Variants in FAXC observed in about 807,000 individuals in gnomAD.
FAXC encodes the protein failed axon connections homolog.
Under a neutral mutation model 41.9 loss-of-function variants are expected in FAXC, and 10 were observed. The observed-to-expected ratio is 0.24, with a 90% confidence interval of 0.15 to 0.41. The LOEUF (loss-of-function observed/expected upper bound fraction) is 0.41. FAXC is among the 10% of genes least tolerant of loss of function. The pLI, the probability that FAXC is intolerant of heterozygous loss-of-function variation, is 1.00. For synonymous variants in FAXC, 183 were observed against 183.8 expected (o/e 1.00, Z 0.03); for missense variants, 399 against 510.9 (o/e 0.78, Z 2.11).
chr6:99,343,862 T>C (rs1773505545), intron 1 of FAXC, among the ~76,000 whole-genome samples: 1 of 152,168 alleles, frequency 6.6e-6, no homozygotes, highest in Non-Finnish European at 1.5e-5. Flanking sequence ...GCCTTCCCAG[T>C]ATCCCCACTT....
intron 4 of FAXC, among the ~76,000 whole-genome samples, chr6:99,297,989 C>A (rs1221157591): frequency 6.6e-6 from 1 of 152,268 alleles, no homozygotes; most frequent in East Asian, 1.9e-4. Flanking sequence ...TTCTTAGATC[C>A]CATCACTGAA....
intron 4 of FAXC, among the ~76,000 whole-genome samples, chr6:99,295,419 C>T (rs1390910): frequency 6.6e-6 from 1 of 152,182 alleles, no homozygotes; most frequent in Admixed American, 6.5e-5. Flanking sequence ...AATTAGTGGA[C>T]TGAGTAAAGC....
In FAXC at chr6:99,349,418, C is replaced by G; in HGVS notation, c.-46G>C. 1.3e-6 allele frequency: 2 copies of G among 1,493,552 alleles called. No individual in the cohort carries two copies. Among genetic ancestry groups the G allele is most frequent in the Non-Finnish European group, 1.8e-6 (2 of 1,126,022 alleles). The allele number at this position is 1,493,552 out of a possible 1,614,324, so 92.5% of individuals were successfully genotyped here. A position where few individuals can be genotyped will look rare whatever the true frequency, so the allele number is the denominator to read the frequency against. Reference sequence around the variant, plus strand: ...CGCCCCTCCCAGGGCCCGCGCCGCCCGCATGGGAAGGGGCCGGCGCGGCCC... The same window carrying G: ...CGCCCCTCCCAGGGCCCGCGCCGCCGGCATGGGAAGGGGCCGGCGCGGCCC... On this transcript the variant is annotated 5_prime_UTR_variant, in exon 1 of 6. Transcript: ENST00000389677.
Position 99,281,441 on chromosome 6 carries a change from T to C in FAXC, c.953A>G (p.Asn318Ser), listed in dbSNP as rs1770833332. ...PERLIKGELINLAMYCERIRR... is the reference protein window; with the variant it reads ...PERLIKGELISLAMYCERIRR... Reference sequence around the variant, plus strand: ...TATCCTCTCACAGTACATGGCAAGGTTGATCAGCTCACCTGCAGTGTGGTA... The same window carrying C: ...TATCCTCTCACAGTACATGGCAAGGCTGATCAGCTCACCTGCAGTGTGGTA... Residue 318 changes from asparagine (N) to serine (S), a missense_variant, in exon 6 of 6, where the codon AAC (asparagine) becomes AGC (serine). By Grantham distance (46) the Asn-to-Ser change is conservative. Around this residue, in one of 3 missense-constraint regions of FAXC, gnomAD observed 239 missense variants for 352.7 expected, o/e 0.68. Transcript: ENST00000389677. 1 of 1,612,578 alleles carries C rather than the reference T, an allele frequency of 6.2e-7. No individual in the cohort carries two copies. Among genetic ancestry groups the C allele is most frequent in the African/African-American group, 1.3e-5 (1 of 74,890 alleles).
chr6:99,303,045 GA>G (rs929510088), intron 4 of FAXC, among the ~76,000 whole-genome samples: 1 of 152,146 alleles, frequency 6.6e-6, no homozygotes, highest in African/African-American at 2.4e-5. Flanking sequence ...GGGTCAGTGG[GA>G]AAAAAAGTAT....
chr6:99,330,041 G>A (rs560413556), intron 3 of FAXC, among the ~76,000 whole-genome samples: 2 of 151,406 alleles, frequency 1.3e-5, no homozygotes, highest in East Asian at 3.9e-4. Flanking sequence ...TGACTGTTTT[G>A]TAGAGAGAGG....
At chr6:99,300,961 T>C (rs1224871736) in intron 4 of FAXC, among the ~76,000 whole-genome samples, 1 of 152,238 alleles carries the variant, frequency 6.6e-6, no homozygotes, top group African/African-American at 2.4e-5. Context: ...CCAGAAAAGC[T>C]CAACTCTGCA....
chr6:99,339,977 G>T (rs985013267), intron 2 of FAXC, among the ~76,000 whole-genome samples: 11 of 151,916 alleles, frequency 7.2e-5, no homozygotes, highest in African/African-American at 2.7e-4. Flanking sequence ...AGTTTATAAA[G>T]GACCAAACAG....
chr6:99,295,520 G>A (rs1265552176), intron 4 of FAXC, among the ~76,000 whole-genome samples: 8 of 152,144 alleles, frequency 5.3e-5, no homozygotes, highest in South Asian at 4.1e-4. Context: ...GAGTAACGAC[G>A]ACAGATTTCC....
chr6:99,285,645 T>C (rs1771004539), intron 5 of FAXC, among the ~76,000 whole-genome samples: 1 of 152,218 alleles, frequency 6.6e-6, no homozygotes, highest in Non-Finnish European at 1.5e-5. Context: ...GTAACCATCA[T>C]GTATTACTTT....
At chr6:99,271,162 T>C (rs1168705780), downstream of FAXC, 1 of 151,800 alleles carries the variant, frequency 6.6e-6, no homozygotes, top group Admixed American at 6.6e-5. Flanking sequence ...CAAGAAACAG[T>C]ACAAATGGCA....
At chr6:99,290,424 G>A (rs1012579580) in intron 5 of FAXC, among the ~76,000 whole-genome samples, 6 of 152,018 alleles carry the variant, frequency 3.9e-5, no homozygotes, top group Admixed American at 6.6e-5. Context: ...TTGGGCGGCC[G>A]GGCGTGGTGG....
chr6:99,311,466 T>A (rs1015968710), intron 4 of FAXC, among the ~76,000 whole-genome samples: 5 of 152,084 alleles, frequency 3.3e-5, no homozygotes, highest in Admixed American at 3.3e-4. Context: ...TCCCAGCTAC[T>A]CGGGAGGCTG....
At chr6:99,306,620 C>T (rs1771931327) in intron 4 of FAXC, among the ~76,000 whole-genome samples, 1 of 152,028 alleles carries the variant, frequency 6.6e-6, no homozygotes, top group Admixed American at 6.5e-5. Flanking sequence ...ACAACTGATA[C>T]ATTTAAGAAA....
Position 99,272,290 on chromosome 6 carries a change from C to T in FAXC, c.*8874G>A, listed in dbSNP as rs1057002766. On this transcript the variant is annotated 3_prime_UTR_variant, in exon 6 of 6. Coordinates refer to ENST00000389677, the MANE Select transcript of FAXC (RefSeq NM_032511.4). ...TCCTGGGTTCAAGCGATTCTCCTGCCTCAGCCTCCCAAGTAGCTGGGATTA... is the reference window on the plus strand; with the variant it reads ...TCCTGGGTTCAAGCGATTCTCCTGCTTCAGCCTCCCAAGTAGCTGGGATTA... 1 of 152,084 alleles carries T rather than the reference C, an allele frequency of 6.6e-6. No homozygotes were observed. The highest frequency in any genetic ancestry group is 1.5e-5 in the Non-Finnish European group (1 of 68,100). 9.4% of individuals were successfully genotyped at this position (152,084 alleles called of 1,614,324 possible).
chr6:99,348,100 C>T (rs1773662613), intron 1 of FAXC, among the ~76,000 whole-genome samples: 1 of 152,170 alleles, frequency 6.6e-6, no homozygotes, highest in Non-Finnish European at 1.5e-5. Context: ...GTACAGGTCA[C>T]CTATCACTGT....
In FAXC at chr6:99,330,732, C is replaced by T. The variant is rs546327454; in HGVS notation, c.599+2619G>A. On this transcript the variant is annotated intron_variant, in intron 3 of 5. Coordinates refer to ENST00000389677, the MANE Select transcript of FAXC (RefSeq NM_032511.4). ...CTGGCTATGTGAGTATAGACACAAC[C>T]TAGGAGCTCACTGACTGTTAGAATT... 5.3e-5 allele frequency among the ~76,000 whole-genome samples: 8 copies of T among 152,276 alleles called. No homozygotes were observed. In the South Asian group the frequency reaches 6.2e-4, roughly 12 times the overall value.
intron 4 of FAXC, among the ~76,000 whole-genome samples, chr6:99,296,864 T>G (rs1352104438): frequency 6.6e-6 from 1 of 152,136 alleles, no homozygotes; most frequent in Non-Finnish European, 1.5e-5. Flanking sequence ...AAATGACAGT[T>G]GGCCCTGGAT....
In FAXC at chr6:99,308,525, C is replaced by T. The variant is rs188308966; in HGVS notation, c.823+14919G>A. 1.3e-3 allele frequency among the ~76,000 whole-genome samples: 203 copies of T among 151,464 alleles called. 1 individual carries two copies. The highest frequency in any genetic ancestry group is 4.8e-3 in the African/African-American group (200 of 41,268). ...CTAACAATGTGCATAATCCTTCACC[C>T]AGTAATTTCACTCCTATGAACTTAT... On this transcript the variant is annotated intron_variant, in intron 4 of 5. Coordinates refer to ENST00000389677, the MANE Select transcript of FAXC (RefSeq NM_032511.4).
Sources: gnomAD v4.1 joint callset for allele counts (sites outside exome capture counted in the v4.1 genomes callset) on GRCh38, gnomAD v4.1.1 for gene constraint, gnomAD v4.1.1 regional missense constraint, MANE v1.5 for transcripts, NCBI Gene and HGNC (gene_info 2026-07-23, HGNC 2026-07-21) for gene names.